The following PALMD variants were observed in gnomAD, a reference collection of about 807,000 sequenced individuals.
PALMD encodes paralemmin-like protein.
In PALMD, 42 loss-of-function variants were observed where a neutral mutation model predicts 56.2. The observed-to-expected ratio is 0.75, with a 90% CI of 0.58 to 0.97. The LOEUF (loss-of-function observed/expected upper bound fraction) is 0.97, where lower values mean the gene tolerates loss of function less well. Among genes scored for constraint, PALMD ranks in the 50% least tolerant of loss-of-function variants. The pLI is 0.00. For missense variants in PALMD, 660 were observed against 643.8 expected (o/e 1.03, Z -0.27); for synonymous variants, 242 against 222.9 (o/e 1.09, Z -0.76).
In PALMD at chr1:99,662,396, G is replaced by A. The variant is rs751789331; in HGVS notation, c.123G>A (p.Leu41=). ...AAGACAAACTAAAGCACCAGCATTTGAAGGTAATTTATGGCTTTAATTTCA... is the reference window on the plus strand; with the variant it reads ...AAGACAAACTAAAGCACCAGCATTTAAAGGTAATTTATGGCTTTAATTTCA... ...IEEDKLKHQH[L]KKKALREKWL... Residue 41 remains leucine (L), a synonymous_variant, in exon 2 of 8, where the codon TTG becomes TTA. Coordinates refer to ENST00000263174, the MANE Select transcript of PALMD (RefSeq NM_017734.5). 2.3e-5 allele frequency: 34 copies of A among 1,507,702 alleles called. No individual in the cohort carries two copies. The highest frequency in any genetic ancestry group is 3.1e-5 in the Non-Finnish European group (34 of 1,092,918). The allele number at this position is 1,507,702 out of a possible 1,614,324, so 93.4% of individuals were successfully genotyped here. A position where few individuals can be genotyped will look rare whatever the true frequency, so the allele number is the denominator to read the frequency against.
intron 3 of PALMD, chr1:99,684,252 A>G (rs1446490850): frequency 2.0e-5 from 3 of 152,166 alleles, no homozygotes; most frequent in African/African-American, 7.2e-5. Flanking sequence ...TATATTATTA[A>G]AAGGCTGTAA....
chr1:99,659,925 C>T (rs1038263577), intron 1 of PALMD, among the ~76,000 whole-genome samples: 2 of 152,298 alleles, frequency 1.3e-5, no homozygotes, highest in African/African-American at 4.8e-5. Flanking sequence ...CAAAACACTT[C>T]GGATGGCATG....
intron 1 of PALMD, among the ~76,000 whole-genome samples, chr1:99,654,942 CTA>C (rs946879001): frequency 2.6e-5 from 4 of 152,064 alleles, no homozygotes; most frequent in African/African-American, 9.7e-5. Context: ...GAAAAACAAA[CTA>C]TGGCTATTAA....
rs371128288 is a variant in PALMD at position 99,676,607 on chromosome 1, T to G, written c.251+8841T>G. Among the ~76,000 whole-genome samples the G allele has an allele frequency of 2.2e-4, 33 of 152,282 alleles. 1 individual carries two copies. Among genetic ancestry groups the G allele is most frequent in the African/African-American group, 7.5e-4 (31 of 41,570 alleles). ...ACTCTATATGTCCATATATACACAT[T>G]ACTTCATACCCACTTATACGTTAGA... On this transcript the variant is annotated intron_variant, in intron 3 of 7. Transcript: ENST00000263174.
intron 3 of PALMD, chr1:99,685,492 T>C (rs995335871): frequency 6.6e-6 from 1 of 152,108 alleles, no homozygotes; most frequent in East Asian, 1.9e-4. Context: ...CAAGAAAACC[T>C]CCTCAGTTAT....
At chr1:99,652,659 A>AGAAAGGAAAGGAAGGAAAG (rs1652615305) in intron 1 of PALMD, among the ~76,000 whole-genome samples, 5 of 122,356 alleles carry the variant, frequency 4.1e-5, no homozygotes, top group African/African-American at 1.6e-4. Flanking sequence ...AAGAAAGAAA[A>AGAAAGGAAAGGAAGGAAAG]GAAAGGAAAG....
intron 1 of PALMD, among the ~76,000 whole-genome samples, chr1:99,659,517 A>G (rs1383182336): frequency 2.0e-5 from 3 of 152,220 alleles, no homozygotes; most frequent in Non-Finnish European, 4.4e-5. Context: ...TTCTGGGGAA[A>G]TTTAGGGAAG....
intron 3 of PALMD, among the ~76,000 whole-genome samples, chr1:99,680,721 C>G (rs1653322009): frequency 6.6e-6 from 1 of 152,084 alleles, no homozygotes; most frequent in Admixed American, 6.6e-5. Context: ...CAAAAGCTCT[C>G]CATTTGAAAA....
intron 7 of PALMD, 48 bp downstream of exon 7, chr1:99,689,920 G>C (rs372800393): frequency 3.0e-5 from 45 of 1,525,188 alleles, no homozygotes; most frequent in Non-Finnish European, 3.5e-5. Context: ...CATGTGACCA[G>C]CTTCTCTTGT....
At chr1:99,647,850 C>T (rs1017722835) in intron 1 of PALMD, among the ~76,000 whole-genome samples, 10 of 152,216 alleles carry the variant, frequency 6.6e-5, no homozygotes, top group African/African-American at 1.7e-4. Context: ...GGGACACCCT[C>T]GCTCAAGCCC....
intron 3 of PALMD, among the ~76,000 whole-genome samples, chr1:99,677,742 A>C (rs1447214486): frequency 6.6e-6 from 1 of 152,142 alleles, no homozygotes; most frequent in African/African-American, 2.4e-5. Flanking sequence ...GTCGTATAAA[A>C]CTCAGGGCAT....
At chr1:99,670,595 CA>C (rs1653061437) in intron 3 of PALMD, among the ~76,000 whole-genome samples, 1 of 151,960 alleles carries the variant, frequency 6.6e-6, no homozygotes, top group African/African-American at 2.4e-5. Context: ...CTAACACAGA[CA>C]AGTATCTCTA....
At chr1:99,664,768 G>A (rs528285694) in intron 2 of PALMD, among the ~76,000 whole-genome samples, 31 of 152,172 alleles carry the variant, frequency 2.0e-4, no homozygotes, top group East Asian at 3.9e-4. Context: ...TCATCCATTC[G>A]TCCTAGTCTT....
intron 3 of PALMD, among the ~76,000 whole-genome samples, chr1:99,682,287 A>T (rs888193242): frequency 2.6e-5 from 4 of 152,218 alleles, no homozygotes; most frequent in African/African-American, 7.2e-5. Flanking sequence ...GAGGTTTGTG[A>T]TTCTAAGTAA....
At chr1:99,677,693 G>A (rs200723955) in intron 3 of PALMD, among the ~76,000 whole-genome samples, 14 of 152,126 alleles carry the variant, frequency 9.2e-5, no homozygotes, top group Non-Finnish European at 1.6e-4. Flanking sequence ...GAATGCCAAG[G>A]ACACTGGGAA....
At chr1:99,690,152 G>A in intron 7 of PALMD, 2 of 434,344 alleles carry the variant, frequency 4.6e-6, no homozygotes, top group East Asian at 6.8e-5. Context: ...GGTGCTGCTT[G>A]TGAGTGTATT....
At chr1:99,686,486 G>A (rs1395319809) in intron 3 of PALMD, 190 bp from the exon 4 acceptor site, 9 of 378,702 alleles carry the variant, frequency 2.4e-5, no homozygotes, top group African/African-American at 4.2e-5. Flanking sequence ...GTTCAAAGTC[G>A]GGCATTAGGT....
At position 99,689,760 on chromosome 1, in the gene PALMD, C is replaced by A. The variant is rs1385235173; in HGVS notation, c.1500C>A (p.His500Gln). ...AAAACACAAATCATAAATCCCCCCA[C>A]AAAAATTCCATATCTCTGAAAGAGC... ...PHENTNHKSP[H>Q]KNSISLKEQE... is the part of the protein sequence containing the mutation. The change falls in exon 7 of 8, where the codon CAC becomes CAA. Residue 500 changes from histidine (H) to glutamine (Q), a missense_variant. His to Gln is a conservative substitution (Grantham distance 24, BLOSUM62 0). Transcript: ENST00000263174. 6.2e-7 allele frequency: 1 copy of A among 1,613,892 alleles called. No individual in the cohort carries two copies. Among genetic ancestry groups the A allele is most frequent in the Non-Finnish European group, 8.5e-7 (1 of 1,179,866 alleles).
intron 3 of PALMD, among the ~76,000 whole-genome samples, chr1:99,681,127 GTGTGTGTGTA>G (rs901940105): frequency 1.2e-4 from 17 of 141,802 alleles, no homozygotes; most frequent in Admixed American, 5.6e-4. Context: ...GTGTGTGTGT[GTGTGTGTGTA>G]TGTATATATA....
Sources: allele counts gnomAD v4.1 joint callset (sites outside exome capture counted in the v4.1 genomes callset), GRCh38; gene constraint gnomAD v4.1.1; transcripts MANE v1.5; gene names NCBI Gene and HGNC (gene_info 2026-07-23, HGNC 2026-07-21).